Variants in ZCCHC3 observed in about 807,000 individuals in gnomAD.
ZCCHC3 encodes zinc finger CCHC domain-containing protein 3.
ZCCHC3 carries 20 observed loss-of-function variants against 18.4 expected under a neutral mutation model. The observed-to-expected ratio is 1.09, with a 90% confidence interval of 0.76 to 1.58. The LOEUF (loss-of-function observed/expected upper bound fraction) is 1.58, where lower values mean the gene tolerates loss of function less well. ZCCHC3 is among the 40% of genes most tolerant of loss of function. The pLI is 0.00. For missense variants in ZCCHC3, 548 were observed against 511.2 expected (o/e 1.07, Z -0.69); for synonymous variants, 310 against 232.7 (o/e 1.33, Z -3.02).
Position 298,670 on chromosome 20 carries a change from C to A in ZCCHC3, c.1084C>A (p.Leu362Met). 6.5e-7 allele frequency: 1 copy of A among 1,538,758 alleles called. No homozygotes were observed. The highest frequency in any genetic ancestry group is 9.0e-7 in the Non-Finnish European group (1 of 1,111,938). ...RCFRCGEEGH[L>M]SPYCRKGIVC... ...CTTCAGGTGCGGGGAGGAGGGGCACCTGAGCCCTTACTGCCGGAAGGGCAT... is the reference window on the plus strand; with the variant it reads ...CTTCAGGTGCGGGGAGGAGGGGCACATGAGCCCTTACTGCCGGAAGGGCAT... Residue 362 changes from leucine to methionine, a missense_variant, in exon 1 of 1, where the codon CTG (leucine) becomes ATG (methionine). By Grantham distance (15) the Leu-to-Met change is conservative. Coordinates refer to ENST00000500893, the MANE Select transcript of ZCCHC3 (RefSeq NM_033089.7).
rs1474386573 is a variant in ZCCHC3, at chr20:297,614, G to A, written c.28G>A (p.Glu10Lys). ...GGCCACCGGCGGCGGCGCGGAGGAA[G>A]AGAGGAAACGGGGGCGGCCGCAGCT... MATGGGAEE[E>K]RKRGRPQLLP... The change falls in exon 1 of 1, where the codon GAG becomes AAG. Residue 10 changes from glutamate (E) to lysine (K), a missense_variant. Glu to Lys is a moderately conservative substitution (Grantham distance 56). Coordinates refer to ENST00000500893, the MANE Select transcript of ZCCHC3 (RefSeq NM_033089.7). 10 of 1,381,460 alleles carry A rather than the reference G, an allele frequency of 7.2e-6. No individual in the cohort carries two copies. Among genetic ancestry groups the A allele is most frequent in the South Asian group, 1.7e-5 (1 of 60,322 alleles). The allele number at this position is 1,381,460 out of a possible 1,614,324, so 85.6% of individuals were successfully genotyped here.
chr20:297,650 GCGCGGCC>G lies in ZCCHC3; in HGVS notation c.74_80del (p.Ala25GlyfsTer18). 1 of 1,371,410 alleles carries G rather than the reference GCGCGGCC, an allele frequency of 7.3e-7. No homozygotes were observed. Among genetic ancestry groups the G allele is most frequent in the Non-Finnish European group, 9.4e-7 (1 of 1,061,088 alleles). The allele number at this position is 1,371,410 out of a possible 1,614,324, so 85.0% of individuals were successfully genotyped here. A position where few individuals can be genotyped will look rare whatever the true frequency, so the allele number is the denominator to read the frequency against. ...GGGGCGGCCGCAGCTTCTGCCCCCC[GCGCGGCC>G]CGCGGCCCGGGGCGAGGAGGCCGAC... is the stretch of plus-strand genomic sequence containing the variant. On this transcript the variant is annotated frameshift_variant, in exon 1 of 1. Coordinates refer to ENST00000500893, the MANE Select transcript of ZCCHC3 (RefSeq NM_033089.7). LOFTEE classifies it high-confidence loss of function.
chr20:299,068 A>G lies in ZCCHC3; in HGVS notation c.*270A>G. ...TTTTATTTTCGTTTTTCTATTGGGT[A>G]TTTGTTTTGTTTCTTGTACTTTTTC... On this transcript the variant is annotated 3_prime_UTR_variant, in exon 1 of 1. Transcript: ENST00000500893. The G allele has an allele frequency of 2.9e-6, 1 of 350,738 alleles. No homozygotes were observed. The allele number at this position is 350,738 out of a possible 1,614,324, so 21.7% of individuals were successfully genotyped here.
chr20:297,817 C>T lies in ZCCHC3; in HGVS notation c.231C>T (p.Gly77=). The T allele has an allele frequency of 1.6e-6, 2 of 1,273,346 alleles. No individual in the cohort carries two copies. The highest frequency in any genetic ancestry group is 2.0e-6 in the Non-Finnish European group (2 of 1,011,034). The allele number at this position is 1,273,346 out of a possible 1,614,324, so 78.9% of individuals were successfully genotyped here. Residue 77 remains glycine (G), a synonymous_variant, in exon 1 of 1, where the codon GGC becomes GGT. Coordinates refer to ENST00000500893, the MANE Select transcript of ZCCHC3 (RefSeq NM_033089.7). ...GGGGGSAGLG[G]PAGLAAPDLG... ...GTGGAGGGAGCGCCGGGCTCGGCGG[C>T]CCCGCGGGCCTGGCGGCGCCGGACC... is the stretch of plus-strand genomic sequence containing the variant.
rs1227964427 is a variant in ZCCHC3, at chr20:298,451, AG to A, written c.867del (p.Arg289SerfsTer56). ...GGCCGTGCCGGTGAAAGTGACCGACAGGTTTGGGATCTGGACCGGGGAGTAC... is the reference window on the plus strand; with the variant it reads ...GGCCGTGCCGGTGAAAGTGACCGACAGTTTGGGATCTGGACCGGGGAGTAC... ...VLAVPVKVTD[R>X]FGIWTGEYKC... is the part of the protein sequence containing the mutation. On this transcript the variant is annotated frameshift_variant, in exon 1 of 1. Transcript: ENST00000500893. LOFTEE classifies it high-confidence loss of function. 1 of 781,226 alleles carries A rather than the reference AG, an allele frequency of 1.3e-6. No homozygotes were observed. The highest frequency in any genetic ancestry group is 1.3e-5 in the South Asian group (1 of 74,602). 48.4% of individuals were successfully genotyped at this position (781,226 alleles called of 1,614,324 possible).
In ZCCHC3 at chr20:297,728, G is replaced by C. The variant is rs1437232368; in HGVS notation, c.142G>C (p.Ala48Pro). 7.2e-7 allele frequency: 1 copy of C among 1,381,114 alleles called. No individual in the cohort carries two copies. The highest frequency in any genetic ancestry group is 1.5e-5 in the African/African-American group (1 of 65,760). The allele number at this position is 1,381,114 out of a possible 1,614,324, so 85.6% of individuals were successfully genotyped here. ...MGWAQVVKNL[A>P]EKKGEFREPR... is the part of the protein sequence containing the mutation. ...CTGGGCCCAGGTGGTGAAGAATCTA[G>C]CCGAGAAGAAGGGCGAATTCCGCGA... Residue 48 changes from alanine (A) to proline (P), a missense_variant, in exon 1 of 1, where the codon GCC (alanine) becomes CCC (proline). Physicochemically the swap from Ala to Pro is conservative, Grantham distance 27. Transcript: ENST00000500893.
In ZCCHC3 at chr20:297,958, G is replaced by A; in HGVS notation, c.372G>A (p.Lys124=). 7.7e-7 allele frequency: 1 copy of A among 1,302,850 alleles called. No homozygotes were observed. Among genetic ancestry groups the A allele is most frequent in the Non-Finnish European group, 9.7e-7 (1 of 1,030,632 alleles). The allele number at this position is 1,302,850 out of a possible 1,614,324, so 80.7% of individuals were successfully genotyped here. ...KKGAAEAGRR[K]KAEAAAAAMA... ...GCGCTGCGGAGGCGGGCAGGAGGAA[G>A]AAGGCCGAGGCGGCGGCGGCCGCCA... The change falls in exon 1 of 1, where the codon AAG becomes AAA. Residue 124 remains lysine (K), a synonymous_variant. Coordinates refer to ENST00000500893, the MANE Select transcript of ZCCHC3 (RefSeq NM_033089.7).
In ZCCHC3 at chr20:297,761, C is replaced by T. The variant is rs778261278; in HGVS notation, c.175C>T (p.Pro59Ser). 7.3e-5 allele frequency: 101 copies of T among 1,378,670 alleles called. No homozygotes were observed. Among genetic ancestry groups the T allele is most frequent in the Non-Finnish European group, 9.3e-5 (99 of 1,060,630 alleles). The allele number at this position is 1,378,670 out of a possible 1,614,324, so 85.4% of individuals were successfully genotyped here. ...GAAGGGCGAATTCCGCGAGCCGCGG[C>T]CGCCGCGGCGGGAGGAGGAAAGCGG... is the stretch of plus-strand genomic sequence containing the variant. ...EKKGEFREPR[P>S]PRREEESGGG... Residue 59 changes from proline to serine, a missense_variant, in exon 1 of 1, where the codon CCG (proline) becomes TCG (serine). Pro to Ser is a moderately conservative substitution (Grantham distance 74). Transcript: ENST00000500893.
rs963875453 is a variant in ZCCHC3, at chr20:297,816, G to C, written c.230G>C (p.Gly77Ala). ...GGGGGSAGLG[G>A]PAGLAAPDLG... is the part of the protein sequence containing the mutation. Reference sequence around the variant, plus strand: ...GGTGGAGGGAGCGCCGGGCTCGGCGGCCCCGCGGGCCTGGCGGCGCCGGAC... The same window carrying C: ...GGTGGAGGGAGCGCCGGGCTCGGCGCCCCCGCGGGCCTGGCGGCGCCGGAC... Residue 77 changes from glycine to alanine, a missense_variant, in exon 1 of 1, where the codon GGC becomes GCC. Transcript: ENST00000500893. 9.4e-6 allele frequency: 12 copies of C among 1,273,380 alleles called. No individual in the cohort carries two copies. Among genetic ancestry groups the C allele is most frequent in the Non-Finnish European group, 9.9e-6 (10 of 1,011,026 alleles). The allele number at this position is 1,273,380 out of a possible 1,614,324, so 78.9% of individuals were successfully genotyped here. A position where few individuals can be genotyped will look rare whatever the true frequency, so the allele number is the denominator to read the frequency against.
Position 300,303 on chromosome 20 carries a change from A to G in ZCCHC3, c.*1505A>G, listed in dbSNP as rs1754316164. On this transcript the variant is annotated 3_prime_UTR_variant, in exon 1 of 1. Transcript: ENST00000500893. ...AAAGTTTTGTTCTGAATAAATATTT[A>G]TCTTTTGTATTGCTAAAACTGGTGC... 6.0e-6 allele frequency: 1 copy of G among 166,874 alleles called. No individual in the cohort carries two copies. The highest frequency in any genetic ancestry group is 2.4e-5 in the African/African-American group (1 of 41,464). 10.3% of individuals were successfully genotyped at this position (166,874 alleles called of 1,614,324 possible). A position where few individuals can be genotyped will look rare whatever the true frequency, so the allele number is the denominator to read the frequency against.
rs772503181 is a variant in ZCCHC3 at position 298,365 on chromosome 20, G to A, written c.779G>A (p.Arg260Gln). ...SSLKTLFILF[R>Q]NETVDVEDIV... is the part of the protein sequence containing the mutation. The stretch of plus-strand genomic sequence containing the variant: ...TTGAAGACGCTCTTCATCCTCTTCC[G>A]GAACGAGACGGTGGACGTGGAGGAC... The change falls in exon 1 of 1, where the codon CGG (arginine) becomes CAG (glutamine). Residue 260 changes from arginine to glutamine, a missense_variant. Arg to Gln is a conservative substitution (Grantham distance 43). Coordinates refer to ENST00000500893, the MANE Select transcript of ZCCHC3 (RefSeq NM_033089.7). 3.8e-6 allele frequency: 3 copies of A among 782,392 alleles called. No homozygotes were observed. The highest frequency in any genetic ancestry group is 7.2e-6 in the Non-Finnish European group (3 of 419,286). The allele number at this position is 782,392 out of a possible 1,614,324, so 48.5% of individuals were successfully genotyped here. A position where few individuals can be genotyped will look rare whatever the true frequency, so the allele number is the denominator to read the frequency against.
Position 298,087 on chromosome 20 carries a change from C to T in ZCCHC3, c.501C>T (p.Val167=), listed in dbSNP as rs1476413206. The T allele has an allele frequency of 1.9e-6, 3 of 1,578,234 alleles. No individual in the cohort carries two copies. Among genetic ancestry groups the T allele is most frequent in the South Asian group, 1.1e-5 (1 of 88,812 alleles). ...GCCCGGGCAAGGGTCGCTTCCTCGT[C>T]CGCATCTGTTTCCAGGGAGACGAGG... ...AAGPGKGRFL[V]RICFQGDEGA... is the part of the protein sequence containing the mutation. Residue 167 remains valine, a synonymous_variant, in exon 1 of 1, where the codon GTC becomes GTT. Transcript: ENST00000500893.
In ZCCHC3 at chr20:297,694, G is replaced by A; in HGVS notation, c.108G>A (p.Glu36=). 2.2e-6 allele frequency: 3 copies of A among 1,370,270 alleles called. No homozygotes were observed. The highest frequency in any genetic ancestry group is 9.4e-7 in the Non-Finnish European group (1 of 1,059,426). 84.9% of individuals were successfully genotyped at this position (1,370,270 alleles called of 1,614,324 possible). Residue 36 remains glutamate, a synonymous_variant, in exon 1 of 1, where the codon GAG becomes GAA. Transcript: ENST00000500893. ...ARGEEADGGR[E]KMGWAQVVKN... Reference sequence around the variant, plus strand: ...GCGAGGAGGCCGACGGCGGCCGCGAGAAGATGGGCTGGGCCCAGGTGGTGA... The same window carrying A: ...GCGAGGAGGCCGACGGCGGCCGCGAAAAGATGGGCTGGGCCCAGGTGGTGA...
In ZCCHC3 at chr20:298,925, C is replaced by A; in HGVS notation, c.*127C>A. On this transcript the variant is annotated 3_prime_UTR_variant, in exon 1 of 1. Transcript: ENST00000500893. ...TTTAAAACCTACAAGAGACATCTCT[C>A]TATGCCTTCTTAAACCGAGTTTACT... The A allele has an allele frequency of 1.8e-6, 2 of 1,084,962 alleles. No individual in the cohort carries two copies. Among genetic ancestry groups the A allele is most frequent in the Non-Finnish European group, 2.5e-6 (2 of 803,056 alleles). The allele number at this position is 1,084,962 out of a possible 1,614,324, so 67.2% of individuals were successfully genotyped here.
chr20:298,233 T>G lies in ZCCHC3; in HGVS notation c.647T>G (p.Phe216Cys). The part of the protein sequence containing the change: ...IPGSREFDVS[F>C]RSAEKLALFL... Reference sequence around the variant, plus strand: ...GGCAGCCGCGAATTCGACGTGAGCTTCCGCTCAGCGGAGAAGCTGGCCCTG... The same window carrying G: ...GGCAGCCGCGAATTCGACGTGAGCTGCCGCTCAGCGGAGAAGCTGGCCCTG... The change falls in exon 1 of 1, where the codon TTC (phenylalanine) becomes TGC (cysteine). Residue 216 changes from phenylalanine to cysteine, a missense_variant. Transcript: ENST00000500893. The G allele has an allele frequency of 9.8e-7, 1 of 1,023,194 alleles. No homozygotes were observed. The highest frequency in any genetic ancestry group is 1.6e-6 in the Non-Finnish European group (1 of 639,470). 63.4% of individuals were successfully genotyped at this position (1,023,194 alleles called of 1,614,324 possible). A position where few individuals can be genotyped will look rare whatever the true frequency, so the allele number is the denominator to read the frequency against.
In ZCCHC3 at chr20:297,887, C is replaced by T. The variant is rs113099430; in HGVS notation, c.301C>T (p.Arg101Trp). The change falls in exon 1 of 1, where the codon CGG becomes TGG. Residue 101 changes from arginine to tryptophan, a missense_variant. Transcript: ENST00000500893. ...TGGCCGCGGGGATCCGAAGGGCCGT[C>T]GGAGAGATCCGGCCGGCGAGGCGGT... ...PAGRGDPKGR[R>W]RDPAGEAVDP... The T allele has an allele frequency of 2.4e-6, 3 of 1,254,416 alleles. No individual in the cohort carries two copies. Among genetic ancestry groups the T allele is most frequent in the Non-Finnish European group, 3.0e-6 (3 of 1,000,602 alleles). 77.7% of individuals were successfully genotyped at this position (1,254,416 alleles called of 1,614,324 possible).
At position 297,642 on chromosome 20, in the gene ZCCHC3, T is replaced by C; in HGVS notation, c.56T>C (p.Leu19Pro). The stretch of plus-strand genomic sequence containing the variant: ...AGGAAACGGGGGCGGCCGCAGCTTC[T>C]GCCCCCCGCGCGGCCCGCGGCCCGG... ...EERKRGRPQL[L>P]PPARPAARGE... is the part of the protein sequence containing the mutation. The change falls in exon 1 of 1, where the codon CTG (leucine) becomes CCG (proline). Residue 19 changes from leucine to proline, a missense_variant. Transcript: ENST00000500893. 7.3e-7 allele frequency: 1 copy of C among 1,373,030 alleles called. No homozygotes were observed. The highest frequency in any genetic ancestry group is 9.4e-7 in the Non-Finnish European group (1 of 1,061,428). 85.1% of individuals were successfully genotyped at this position (1,373,030 alleles called of 1,614,324 possible). A position where few individuals can be genotyped will look rare whatever the true frequency, so the allele number is the denominator to read the frequency against.
Position 298,463 on chromosome 20 carries a change from T to G in ZCCHC3, c.877T>G (p.Trp293Gly), listed in dbSNP as rs755916914. 10 of 778,736 alleles carry G rather than the reference T, an allele frequency of 1.3e-5. No individual in the cohort carries two copies. Among genetic ancestry groups the G allele is most frequent in the Non-Finnish European group, 2.4e-5 (10 of 416,680 alleles). 48.2% of individuals were successfully genotyped at this position (778,736 alleles called of 1,614,324 possible). A position where few individuals can be genotyped will look rare whatever the true frequency, so the allele number is the denominator to read the frequency against. Residue 293 changes from tryptophan (W) to glycine (G), a missense_variant, in exon 1 of 1, where the codon TGG (tryptophan) becomes GGG (glycine). Trp to Gly is a radical substitution (Grantham distance 184). Transcript: ENST00000500893. ...GAAAGTGACCGACAGGTTTGGGATC[T>G]GGACCGGGGAGTACAAATGCGAGAT... ...PVKVTDRFGI[W>G]TGEYKCEIEL...
rs762950336 is a variant in ZCCHC3, at chr20:298,560, A to G, written c.974A>G (p.Tyr325Cys). Residue 325 changes from tyrosine to cysteine, a missense_variant, in exon 1 of 1, where the codon TAC becomes TGC. Coordinates refer to ENST00000500893, the MANE Select transcript of ZCCHC3 (RefSeq NM_033089.7). ...TTCTTCCTGGGGGCCGAGAGGGGCT[A>G]CAGCTGGTACAAGGGGCAGCCCAAG... is the stretch of plus-strand genomic sequence containing the variant. ...GAFFLGAERG[Y>C]SWYKGQPKTC... 1 of 771,740 alleles carries G rather than the reference A, an allele frequency of 1.3e-6. No homozygotes were observed. 47.8% of individuals were successfully genotyped at this position (771,740 alleles called of 1,614,324 possible). A position where few individuals can be genotyped will look rare whatever the true frequency, so the allele number is the denominator to read the frequency against.
Sources: allele counts gnomAD v4.1 joint callset, GRCh38; gene constraint gnomAD v4.1.1; transcripts MANE v1.5; gene names NCBI Gene and HGNC (gene_info 2026-07-23, HGNC 2026-07-21).